ERFE: variants seen among roughly 807,000 people sequenced by gnomAD.
ERFE encodes erythroferrone.
In ERFE, 25 loss-of-function variants were observed where a neutral mutation model predicts 26.6. That is an observed-to-expected ratio of 0.94 (90% CI 0.69 to 1.31). The LOEUF (loss-of-function observed/expected upper bound fraction) is 1.31. ERFE is among the 40% of genes most tolerant of loss of function. The probability of loss-of-function intolerance (pLI) is 0.00; values close to 1 mark genes in which losing one functional copy is unlikely to be tolerated. For synonymous variants in ERFE, 206 were observed against 204.5 expected (o/e 1.01, Z -0.06); for missense variants, 447 against 440.2 (o/e 1.02, Z -0.14).
intron 3 of ERFE, among the ~76,000 whole-genome samples, chr2:238,163,067 T>C (rs1005125417): frequency 1.1e-4 from 16 of 152,184 alleles, no homozygotes; most frequent in African/African-American, 2.7e-4. Flanking sequence ...TTGGGAACCA[T>C]GGCCAGGAGA....
chr2:238,159,632 CGG>C (rs1034341170), intron 1 of ERFE, among the ~76,000 whole-genome samples: 23 of 152,160 alleles, frequency 1.5e-4, no homozygotes, highest in African/African-American at 5.5e-4. Flanking sequence ...GATCTGGGGT[CGG>C]GGGGCTGTGC....
rs1692894808 is a variant in ERFE at position 238,159,015 on chromosome 2, C to T, written c.8C>T (p.Pro3Leu). ...GAGGGAACCGCCGCCCGCATGGCCC[C>T]GGCCCGCCGCCCCGCCGGAGCCCGC... MA[P>L]ARRPAGARLL... Residue 3 changes from proline to leucine, a missense_variant, in exon 1 of 8, where the codon CCG becomes CTG. By Grantham distance (98) the Pro-to-Leu change is moderately conservative (BLOSUM62 -3). Transcript: ENST00000546354. The T allele has an allele frequency of 7.8e-6, 2 of 255,890 alleles. No individual in the cohort carries two copies. Among genetic ancestry groups the T allele is most frequent in the East Asian group, 1.5e-4 (2 of 13,202 alleles). The allele number at this position is 255,890 out of a possible 1,614,324, so 15.9% of individuals were successfully genotyped here. A position where few individuals can be genotyped will look rare whatever the true frequency, so the allele number is the denominator to read the frequency against.
In ERFE at chr2:238,167,181, C is replaced by T; in HGVS notation, c.*127C>T. 1 of 974,576 alleles carries T rather than the reference C, an allele frequency of 1.0e-6. No individual in the cohort carries two copies. The highest frequency in any genetic ancestry group is 1.6e-6 in the Non-Finnish European group (1 of 633,754). The allele number at this position is 974,576 out of a possible 1,614,324, so 60.4% of individuals were successfully genotyped here. On this transcript the variant is annotated 3_prime_UTR_variant, in exon 8 of 8. Transcript: ENST00000546354. Reference sequence around the variant, plus strand: ...CACCCGGAACTCTGCCCACACTGGCCACTGCAGTTCAGCCCACAGAGCCAC... The same window carrying T: ...CACCCGGAACTCTGCCCACACTGGCTACTGCAGTTCAGCCCACAGAGCCAC...
Position 238,167,460 on chromosome 2 carries a change from C to T in ERFE, c.*406C>T, listed in dbSNP as rs1392424533. On this transcript the variant is annotated 3_prime_UTR_variant, in exon 8 of 8. Coordinates refer to ENST00000546354, the MANE Select transcript of ERFE (RefSeq NM_001291832.2). Reference sequence around the variant, plus strand: ...CTCATGGAGTGCAAAGTGCACCAGCCAGGGCCCCTACCTGGGAGAGGGTCA... The same window carrying T: ...CTCATGGAGTGCAAAGTGCACCAGCTAGGGCCCCTACCTGGGAGAGGGTCA... 2.1e-6 allele frequency: 1 copy of T among 477,318 alleles called. No homozygotes were observed. The highest frequency in any genetic ancestry group is 1.5e-5 in the South Asian group (1 of 64,754). The allele number at this position is 477,318 out of a possible 1,614,324, so 29.6% of individuals were successfully genotyped here. A position where few individuals can be genotyped will look rare whatever the true frequency, so the allele number is the denominator to read the frequency against.
chr2:238,168,548 C>T lies in ERFE; in HGVS notation c.*1494C>T, dbSNP rs913537830. On this transcript the variant is annotated 3_prime_UTR_variant, in exon 8 of 8. Coordinates refer to ENST00000546354, the MANE Select transcript of ERFE (RefSeq NM_001291832.2). ...ATCCCCAGGAGCCCAGCTTCCAAAC[C>T]CCAACATCGAATCAAACATCTCCAT... 3 of 437,726 alleles carry T rather than the reference C, an allele frequency of 6.9e-6. No homozygotes were observed. The highest frequency in any genetic ancestry group is 2.1e-5 in the African/African-American group (1 of 48,776). 27.1% of individuals were successfully genotyped at this position (437,726 alleles called of 1,614,324 possible).
intron 1 of ERFE, among the ~76,000 whole-genome samples, chr2:238,159,893 C>T (rs1692912318): frequency 6.6e-6 from 1 of 152,162 alleles, no homozygotes; most frequent in Non-Finnish European, 1.5e-5. Context: ...GGGTGGGCGG[C>T]CGGTGCTGTT....
chr2:238,164,091 C>A lies in ERFE; in HGVS notation c.704C>A (p.Ala235Asp). The change falls in exon 5 of 8, where the codon GCC (alanine) becomes GAC (aspartate). Residue 235 changes from alanine to aspartate, a missense_variant. Ala to Asp is a moderately radical substitution (Grantham distance 126). Coordinates refer to ENST00000546354, the MANE Select transcript of ERFE (RefSeq NM_001291832.2). ...CCCTCGCAGCCCGACGCCGAGGGTG[C>A]CTTCCGCCGCGGCCCGGGCCTGAAC... ...GVYYLPDAEGAFRRGPGLNLT... is the reference protein window; with the variant it reads ...GVYYLPDAEGDFRRGPGLNLT... The A allele has an allele frequency of 1.4e-6, 2 of 1,429,156 alleles. No individual in the cohort carries two copies. Among genetic ancestry groups the A allele is most frequent in the South Asian group, 1.4e-5 (1 of 71,166 alleles). 88.5% of individuals were successfully genotyped at this position (1,429,156 alleles called of 1,614,324 possible). A position where few individuals can be genotyped will look rare whatever the true frequency, so the allele number is the denominator to read the frequency against.
rs140469580 is a variant in ERFE at position 238,159,620 on chromosome 2, C to T, written c.198+415C>T. ...CTGGAAAACAAAAAGTGTTTTCCTG[C>T]GGATCTGGGGTCGGGGGGCTGTGCA... On this transcript the variant is annotated intron_variant, in intron 1 of 7. Coordinates refer to ENST00000546354, the MANE Select transcript of ERFE (RefSeq NM_001291832.2). 9.6e-3 allele frequency among the ~76,000 whole-genome samples: 1,467 copies of T among 152,338 alleles called. 10 individuals are homozygous for T. Among genetic ancestry groups the T allele is most frequent in the Middle Eastern group, 0.02 (6 of 294 alleles).
chr2:238,167,942 C>T lies in ERFE; in HGVS notation c.*888C>T, dbSNP rs563438728. The T allele has an allele frequency of 8.4e-5, 16 of 190,664 alleles. No individual in the cohort carries two copies. Among genetic ancestry groups the T allele is most frequent in the South Asian group, 6.2e-4 (6 of 9,742 alleles). The allele number at this position is 190,664 out of a possible 1,614,324, so 11.8% of individuals were successfully genotyped here. ...AACGTCTTTACAGATTGGAGACAGC[C>T]GGGCCTGCTGACCCATCATCCGAAT... On this transcript the variant is annotated 3_prime_UTR_variant, in exon 8 of 8. Transcript: ENST00000546354.
At position 238,168,665 on chromosome 2, in the gene ERFE, A is replaced by ATGC. The variant is rs1693089724; in HGVS notation, c.*1611_*1612insTGC. ...TAGGACTCACACCCACCCTACCTAG[A>ATGC]AGTACTGGGCTGGCCTGGGTACTGC... On this transcript the variant is annotated 3_prime_UTR_variant, in exon 8 of 8. Coordinates refer to ENST00000546354, the MANE Select transcript of ERFE (RefSeq NM_001291832.2). 5 of 351,912 alleles carry ATGC rather than the reference A, an allele frequency of 1.4e-5. No homozygotes were observed. Among genetic ancestry groups the ATGC allele is most frequent in the Middle Eastern group, 3.9e-4 (1 of 2,592 alleles). 21.8% of individuals were successfully genotyped at this position (351,912 alleles called of 1,614,324 possible). A position where few individuals can be genotyped will look rare whatever the true frequency, so the allele number is the denominator to read the frequency against.
chr2:238,162,220 C>T (rs138055855), intron 2 of ERFE, among the ~76,000 whole-genome samples: 6 of 152,364 alleles, frequency 3.9e-5, no homozygotes, highest in South Asian at 2.1e-4. Flanking sequence ...TCTGAACACA[C>T]GATGGAAGGC....
rs554902715 is a variant in ERFE at position 238,160,005 on chromosome 2, T to C, written c.198+800T>C. ...GCCTGGGGTCCCCCAGAGTTCTCTA[T>C]CCCGGCCCCATCACACCCAGCCACT... On this transcript the variant is annotated intron_variant, in intron 1 of 7. Coordinates refer to ENST00000546354, the MANE Select transcript of ERFE (RefSeq NM_001291832.2). 1.5e-4 allele frequency among the ~76,000 whole-genome samples: 23 copies of C among 152,228 alleles called. 2 individuals are homozygous for C. The South Asian group carries it at 3.9e-3, about 26-fold the overall frequency.
At chr2:238,166,674 G>A (rs1693040490) in intron 7 of ERFE, among the ~76,000 whole-genome samples, 1 of 152,240 alleles carries the variant, frequency 6.6e-6, no homozygotes, top group Non-Finnish European at 1.5e-5. Context: ...CTGCAGCTGA[G>A]AAACCTGTTG....
rs528098540 is a variant in ERFE, at chr2:238,163,913, C to T, written c.601C>T (p.Arg201Cys). ...APLAPGPRAPRVEAAFLCRLR... is the reference protein window; with the variant it reads ...APLAPGPRAPCVEAAFLCRLR... Reference sequence around the variant, plus strand: ...CCTGGCCCCGGGGCCGCGGGCGCCGCGCGTGGAGGCCGCTTTCCTCTGCCG... The same window carrying T: ...CCTGGCCCCGGGGCCGCGGGCGCCGTGCGTGGAGGCCGCTTTCCTCTGCCG... Residue 201 changes from arginine to cysteine, a missense_variant, in exon 4 of 8, where the codon CGC becomes TGC. Transcript: ENST00000546354. 3 of 1,326,080 alleles carry T rather than the reference C, an allele frequency of 2.3e-6. No individual in the cohort carries two copies. The highest frequency in any genetic ancestry group is 1.9e-6 in the Non-Finnish European group (2 of 1,047,486). 82.1% of individuals were successfully genotyped at this position (1,326,080 alleles called of 1,614,324 possible). A position where few individuals can be genotyped will look rare whatever the true frequency, so the allele number is the denominator to read the frequency against.
intron 3 of ERFE, 135 bp from the exon 4 acceptor site, chr2:238,163,602 A>C (rs1692972591): frequency 1.9e-6 from 2 of 1,076,092 alleles, no homozygotes; most frequent in African/African-American, 3.3e-5. Flanking sequence ...CTTCAGGCCG[A>C]GGGGACGTCG....
At chr2:238,160,676 C>G (rs908548993) in intron 1 of ERFE, among the ~76,000 whole-genome samples, 1 of 152,190 alleles carries the variant, frequency 6.6e-6, no homozygotes, top group African/African-American at 2.4e-5. Flanking sequence ...GAAGGCCCTG[C>G]ATCCCCCCAG....
intron 3 of ERFE, 162 bp from the exon 4 acceptor site, chr2:238,163,575 G>A: frequency 1.1e-6 from 1 of 872,106 alleles, no homozygotes. Context: ...GGGTCAGGAC[G>A]CAAAGACTCC....
intron 1 of ERFE, among the ~76,000 whole-genome samples, chr2:238,160,557 C>A (rs553391040): frequency 6.6e-6 from 1 of 152,224 alleles, no homozygotes; most frequent in South Asian, 2.1e-4. Flanking sequence ...GCTGAGGGCC[C>A]TGGGCCCCTG....
chr2:238,160,598 C>T (rs1246196428), intron 1 of ERFE, among the ~76,000 whole-genome samples: 2 of 152,290 alleles, frequency 1.3e-5, no homozygotes, highest in African/African-American at 2.4e-5. Context: ...ACAGGCTCCT[C>T]GGCACCGCAG....
Sources: allele counts gnomAD v4.1 joint callset (sites outside exome capture counted in the v4.1 genomes callset), GRCh38; gene constraint gnomAD v4.1.1; transcripts MANE v1.5; gene names NCBI Gene and HGNC (gene_info 2026-07-23, HGNC 2026-07-21).